GABRB1: variants seen among roughly 807,000 people sequenced by gnomAD.
The protein encoded by GABRB1 is gamma-aminobutyric acid type A receptor subunit beta1, also known as gamma-aminobutyric acid receptor subunit beta-1.
Under a neutral mutation model 51.6 loss-of-function variants are expected in GABRB1, and 17 were observed. The observed-to-expected ratio is 0.33, with a 90% CI of 0.23 to 0.49. The LOEUF (loss-of-function observed/expected upper bound fraction) is 0.49, where lower values mean the gene tolerates loss of function less well. Ranked by LOEUF, GABRB1 falls within the 20% of genes least tolerant of loss-of-function variation. The pLI is 0.99. For missense variants in GABRB1, 410 were observed against 600.6 expected (o/e 0.68, Z 3.32); for synonymous variants, 247 against 218.9 (o/e 1.13, Z -1.14).
At chr4:47,259,782 A>G (rs1722354308) in intron 4 of GABRB1, among the ~76,000 whole-genome samples, 1 of 152,202 alleles carries the variant, frequency 6.6e-6, no homozygotes. Flanking sequence ...GGTGATATAT[A>G]CATCACATTT....
chr4:47,069,113 G>T (rs1055423641), intron 3 of GABRB1, among the ~76,000 whole-genome samples: 1 of 152,142 alleles, frequency 6.6e-6, no homozygotes, highest in South Asian at 2.1e-4. Flanking sequence ...AGTTAGATCA[G>T]CACTGAACCA....
intron 3 of GABRB1, among the ~76,000 whole-genome samples, chr4:47,109,923 T>C (rs1375876475): frequency 5.3e-5 from 8 of 151,752 alleles, no homozygotes; most frequent in Admixed American, 5.3e-4. Flanking sequence ...AATGGAACAA[T>C]CAGAAGCAAG....
intron 4 of GABRB1, among the ~76,000 whole-genome samples, chr4:47,228,409 C>T (rs1721024983): frequency 6.6e-6 from 1 of 151,688 alleles, no homozygotes; most frequent in Admixed American, 6.6e-5. Context: ...GTCAAATATG[C>T]TACCTCCAGA....
intron 4 of GABRB1, among the ~76,000 whole-genome samples, chr4:47,287,389 C>T (rs1277228086): frequency 6.6e-6 from 1 of 152,198 alleles, no homozygotes; most frequent in Non-Finnish European, 1.5e-5. Context: ...ATAACTTCTT[C>T]TATGACACCT....
chr4:47,342,962 C>T (rs1161953469), intron 5 of GABRB1, among the ~76,000 whole-genome samples: 1 of 151,956 alleles, frequency 6.6e-6, no homozygotes, highest in East Asian at 1.9e-4. Flanking sequence ...TCATATTTGG[C>T]AAGATGTGTG....
chr4:47,049,643 T>C (rs941153437), intron 3 of GABRB1, among the ~76,000 whole-genome samples: 12 of 152,212 alleles, frequency 7.9e-5, no homozygotes, highest in Admixed American at 2.6e-4. Flanking sequence ...TTCTGCCTCA[T>C]GTAGGAATAT....
rs201509280 is a variant in GABRB1, at chr4:47,293,114, TTTG to T, written c.462-26992_462-26990del. 2.2e-4 allele frequency among the ~76,000 whole-genome samples: 33 copies of T among 152,034 alleles called. No individual in the cohort carries two copies. In the East Asian group the frequency reaches 2.9e-3, roughly 13 times the overall value. ...TTTGGGGGCAGAGTAAGCACATAGT[TTTG>T]TTGTTGTTGTTGTTGTTGTTTTTCT... is the stretch of plus-strand genomic sequence containing the variant. On this transcript the variant is annotated intron_variant, in intron 4 of 8. Coordinates refer to ENST00000295454, the MANE Select transcript of GABRB1 (RefSeq NM_000812.4).
upstream of GABRB1, chr4:47,031,441 G>A (rs919603438): frequency 5.2e-6 from 3 of 579,372 alleles, no homozygotes; most frequent in Admixed American, 9.4e-5. Context: ...CTACCCGGAG[G>A]ACATGGAGCA....
Position 47,008,853 on chromosome 4 carries a change from C to CTTTTTTTTTTTTT in GABRB1, c.-20+14944_-20+14956dup, listed in dbSNP as rs1491180948. Among the ~76,000 whole-genome samples, 8 of 80,096 alleles carry CTTTTTTTTTTTTT rather than the reference C, an allele frequency of 1.0e-4. 1 individual carries two copies. Among genetic ancestry groups the CTTTTTTTTTTTTT allele is most frequent in the African/African-American group, 2.6e-4 (5 of 19,008 alleles). The allele number at this position is 80,096 out of a possible 152,430, so 52.5% of individuals were successfully genotyped here. ...ACCCTGTCACGCTATCAGATACTAC[C>CTTTTTTTTTTTTT]TTTTTTTTTTTTTTTTTTTTTTTTT... On this transcript the variant is annotated intron_variant, in intron 1 of 3. Coordinates refer to the GABRB1 transcript ENST00000513567.
At chr4:47,292,790 T>C (rs1723798017) in intron 4 of GABRB1, among the ~76,000 whole-genome samples, 1 of 151,870 alleles carries the variant, frequency 6.6e-6, no homozygotes, top group Admixed American at 6.6e-5. Flanking sequence ...CAGGTAAAGG[T>C]GAAAGGACAA....
chr4:47,301,557 C>T (rs1724263293), intron 4 of GABRB1, among the ~76,000 whole-genome samples: 2 of 150,884 alleles, frequency 1.3e-5, no homozygotes, highest in Admixed American at 1.3e-4. Flanking sequence ...TCGCTTGAGC[C>T]CAGGAAGTTG....
intron 3 of GABRB1, among the ~76,000 whole-genome samples, chr4:47,146,719 C>G (rs746171372): frequency 4.1e-4 from 63 of 152,086 alleles, no homozygotes; most frequent in Non-Finnish European, 6.0e-4. Flanking sequence ...TTTTGCTAGA[C>G]AGAAGAGCTC....
chr4:47,294,924 A>G lies in GABRB1; in HGVS notation c.462-25203A>G, dbSNP rs1578071161. Among the ~76,000 whole-genome samples the G allele has an allele frequency of 6.6e-5, 10 of 152,298 alleles. No homozygotes were observed. In the East Asian group the frequency reaches 1.9e-3, roughly 29 times the overall value. On this transcript the variant is annotated intron_variant, in intron 4 of 8. Coordinates refer to ENST00000295454, the MANE Select transcript of GABRB1 (RefSeq NM_000812.4). ...CTGAGACAAAACTTCCAGAGGAATG[A>G]TCAGACAGCAGCATTCGTGGTTCAC... is the stretch of plus-strand genomic sequence containing the variant.
chr4:47,034,968 T>A (rs12108623), intron 3 of GABRB1, among the ~76,000 whole-genome samples: 76,613 of 151,930 alleles, frequency 0.5, 19,473 homozygotes, highest in Non-Finnish European at 0.53. Context: ...AATTTTCATC[T>A]ACATTAAATG....
At chr4:47,403,238 A>G (rs1728458831) in intron 5 of GABRB1, 80 bp from the exon 6 acceptor site, 1 of 1,524,614 alleles carries the variant, frequency 6.6e-7, no homozygotes, top group South Asian at 1.2e-5. Flanking sequence ...TTGTGCTGGG[A>G]ATTTTTCCTC....
At chr4:47,140,214 T>C (rs951800726) in intron 3 of GABRB1, among the ~76,000 whole-genome samples, 13 of 151,934 alleles carry the variant, frequency 8.6e-5, no homozygotes, top group African/African-American at 2.9e-4. Context: ...TGAGATATAA[T>C]GTATGTTGTA....
At chr4:47,356,553 A>T (rs1726585998) in intron 5 of GABRB1, among the ~76,000 whole-genome samples, 1 of 152,184 alleles carries the variant, frequency 6.6e-6, no homozygotes, top group South Asian at 2.1e-4. Flanking sequence ...AAACAGGGAA[A>T]TCCTGAGTTT....
Position 47,392,946 on chromosome 4 carries a change from T to C in GABRB1, c.545-10372T>C, listed in dbSNP as rs555684805. Among the ~76,000 whole-genome samples the C allele has an allele frequency of 2.0e-5, 3 of 152,338 alleles. No individual in the cohort carries two copies. In the South Asian group the frequency reaches 6.2e-4, roughly 32 times the overall value. ...TAGTTTAGTATGTATGCTAACCTCC[T>C]TTGAGAAAGCTAACTACATCTCCCA... On this transcript the variant is annotated intron_variant, in intron 5 of 8. Coordinates refer to ENST00000295454, the MANE Select transcript of GABRB1 (RefSeq NM_000812.4).
chr4:47,365,281 G>A (rs1301832819), intron 5 of GABRB1, among the ~76,000 whole-genome samples: 1 of 152,178 alleles, frequency 6.6e-6, no homozygotes, highest in Non-Finnish European at 1.5e-5. Context: ...TGAACCCTAG[G>A]CAAAATTCCA....
Sources: gnomAD v4.1 joint callset for allele counts (sites outside exome capture counted in the v4.1 genomes callset) on GRCh38, gnomAD v4.1.1 for gene constraint, MANE v1.5 for transcripts, NCBI Gene and HGNC (gene_info 2026-07-23, HGNC 2026-07-21) for gene names.